NTN1: variants seen among roughly 807,000 people sequenced by gnomAD.
NTN1 encodes the protein netrin 1.
Under a neutral mutation model 54.2 loss-of-function variants are expected in NTN1, and 11 were observed. The observed-to-expected ratio is 0.20, with a 90% CI of 0.13 to 0.34. The LOEUF is 0.34. Ranked by LOEUF, NTN1 falls within the 10% of genes least tolerant of loss-of-function variation. The pLI is 1.00. For synonymous variants in NTN1, 371 were observed against 382.0 expected (o/e 0.97, Z 0.33); for missense variants, 740 against 893.1 (o/e 0.83, Z 2.18).
chr17:9,164,551 CCTT>C (rs2092368581), intron 3 of NTN1, among the ~76,000 whole-genome samples: 1 of 150,986 alleles, frequency 6.6e-6, no homozygotes, highest in African/African-American at 2.5e-5. Context: ...AAGCTGGTGC[CCTT>C]CTGAGCACGG....
intron 6 of NTN1, among the ~76,000 whole-genome samples, chr17:9,231,297 G>C (rs1485123236): frequency 1.3e-5 from 2 of 149,286 alleles, no homozygotes; most frequent in Non-Finnish European, 2.9e-5. Context: ...GGGGTACCCG[G>C]GGGGGGACCC....
rs181240629 is a variant in NTN1, at chr17:9,234,908, T to G, written c.1487-4732T>G. ...CTGGCTTAAGGCAGTGACCTCTTCC[T>G]GTATACCAGCAGTCCCTAATTTGTT... On this transcript the variant is annotated intron_variant, in intron 6 of 6. Coordinates refer to ENST00000173229, the MANE Select transcript of NTN1 (RefSeq NM_004822.3). Among the ~76,000 whole-genome samples the G allele has an allele frequency of 1.9e-3, 295 of 152,290 alleles. 5 individuals carry two copies. The highest frequency in any genetic ancestry group is 6.4e-3 in the African/African-American group (264 of 41,568).
At chr17:9,097,236 T>A (rs2092134800) in intron 2 of NTN1, among the ~76,000 whole-genome samples, 1 of 152,240 alleles carries the variant, frequency 6.6e-6, no homozygotes, top group Non-Finnish European at 1.5e-5. Context: ...AAGATGTGTT[T>A]CCCTCCTATG....
intron 5 of NTN1, among the ~76,000 whole-genome samples, chr17:9,218,768 T>G (rs1015956790): frequency 2.0e-5 from 3 of 152,144 alleles, no homozygotes; most frequent in African/African-American, 7.2e-5. Context: ...AGAGCTGACA[T>G]GCTCAAAGGC....
intron 2 of NTN1, among the ~76,000 whole-genome samples, chr17:9,158,553 C>T (rs987577327): frequency 1.5e-4 from 23 of 152,316 alleles, no homozygotes; most frequent in African/African-American, 5.5e-4. Flanking sequence ...TCTAGGCCAG[C>T]TGTTACTTCC....
At chr17:9,043,543 T>C (rs2091929896) in intron 2 of NTN1, among the ~76,000 whole-genome samples, 1 of 152,030 alleles carries the variant, frequency 6.6e-6, no homozygotes, top group Admixed American at 6.6e-5. Flanking sequence ...TAAATGCTTT[T>C]TTATCATCTT....
chr17:9,184,023 CTT>C (rs998236788), intron 5 of NTN1, among the ~76,000 whole-genome samples: 4 of 152,192 alleles, frequency 2.6e-5, no homozygotes, highest in African/African-American at 7.2e-5. Flanking sequence ...GCTGGGGACT[CTT>C]TGCCTCCCCC....
Position 9,243,851 on chromosome 17 carries a change from G to A in NTN1, c.*3883G>A, listed in dbSNP as rs960128438. On this transcript the variant is annotated 3_prime_UTR_variant, in exon 7 of 7. Coordinates refer to ENST00000173229, the MANE Select transcript of NTN1 (RefSeq NM_004822.3). ...TATATATGAATATATTTAATGACAT[G>A]GAAAAAGTTGTGGATTTTCTTTCTT... 1.8e-4 allele frequency: 26 copies of A among 143,810 alleles called. No individual in the cohort carries two copies. The highest frequency in any genetic ancestry group is 6.4e-4 in the African/African-American group (25 of 39,262). The allele number at this position is 143,810 out of a possible 1,614,324, so 8.9% of individuals were successfully genotyped here. A position where few individuals can be genotyped will look rare whatever the true frequency, so the allele number is the denominator to read the frequency against.
In NTN1 at chr17:9,042,415, T is replaced by C. The variant is rs549203190; in HGVS notation, c.1018+19024T>C. ...AGGAAGATTGCACGAGCGAGGGGTTTGAGGCTATAATGCGCTATGACTGCA... is the reference window on the plus strand; with the variant it reads ...AGGAAGATTGCACGAGCGAGGGGTTCGAGGCTATAATGCGCTATGACTGCA... On this transcript the variant is annotated intron_variant, in intron 2 of 6. Coordinates refer to ENST00000173229, the MANE Select transcript of NTN1 (RefSeq NM_004822.3). 6.6e-5 allele frequency among the ~76,000 whole-genome samples: 10 copies of C among 151,890 alleles called. 1 individual carries two copies. The highest frequency in any genetic ancestry group is 2.4e-4 in the African/African-American group (10 of 41,428).
At chr17:9,229,060 G>T (rs915723789) in intron 6 of NTN1, among the ~76,000 whole-genome samples, 1 of 149,712 alleles carries the variant, frequency 6.7e-6, no homozygotes, top group African/African-American at 2.5e-5. Flanking sequence ...GTGACTATGC[G>T]TGTGTGATTG....
chr17:9,032,059 G>A (rs983306585), intron 2 of NTN1, among the ~76,000 whole-genome samples: 3 of 152,092 alleles, frequency 2.0e-5, no homozygotes, highest in African/African-American at 7.2e-5. Flanking sequence ...GGCTGTGCAC[G>A]TGAGAAGGTG....
chr17:9,154,857 C>T lies in NTN1; in HGVS notation c.1019-7956C>T, dbSNP rs118114511. Among the ~76,000 whole-genome samples, 457 of 152,266 alleles carry T rather than the reference C, an allele frequency of 3.0e-3. 2 individuals carry two copies. The highest frequency in any genetic ancestry group is 5.6e-3 in the Non-Finnish European group (379 of 68,024). On this transcript the variant is annotated intron_variant, in intron 2 of 6. Coordinates refer to ENST00000173229, the MANE Select transcript of NTN1 (RefSeq NM_004822.3). Reference sequence around the variant, plus strand: ...TTGAAACCAGGCATCTGCCCACTGCCCCATCACAGGCCCCTGCGGTTGAAC... The same window carrying T: ...TTGAAACCAGGCATCTGCCCACTGCTCCATCACAGGCCCCTGCGGTTGAAC...
At chr17:9,132,915 A>C (rs2092270168) in intron 2 of NTN1, among the ~76,000 whole-genome samples, 1 of 152,012 alleles carries the variant, frequency 6.6e-6, no homozygotes, top group Admixed American at 6.6e-5. Context: ...GATAATACCA[A>C]ATTCCCTTTA....
chr17:9,141,835 G>T (rs1360225547), intron 2 of NTN1, among the ~76,000 whole-genome samples: 1 of 152,166 alleles, frequency 6.6e-6, no homozygotes, highest in Non-Finnish European at 1.5e-5. Flanking sequence ...GCTGAGGCGG[G>T]TGGATCACTT....
chr17:9,239,976 GCAGCGGGC>G lies in NTN1; in HGVS notation c.*9_*16del, dbSNP rs1447602397. The G allele has an allele frequency of 4.2e-6, 5 of 1,185,054 alleles. No homozygotes were observed. The highest frequency in any genetic ancestry group is 1.6e-5 in the African/African-American group (1 of 61,870). 73.4% of individuals were successfully genotyped at this position (1,185,054 alleles called of 1,614,324 possible). A position where few individuals can be genotyped will look rare whatever the true frequency, so the allele number is the denominator to read the frequency against. On this transcript the variant is annotated 3_prime_UTR_variant, in exon 7 of 7. Transcript: ENST00000173229. This position sits in a 1 kb window ranked among gnomAD's most constrained non-coding sequence, Gnocchi z 5.2. ...AAGTGCAAGAAGGCCTAGCGCCGAG[GCAGCGGGC>G]GGGCGGGCGGGCGGGCGCCAGGGCG...
chr17:9,010,520 C>T, the NTN1 span, among the ~76,000 whole-genome samples: 7 of 152,286 alleles, frequency 4.6e-5, 1 homozygote, highest in Non-Finnish European at 2.9e-5. Flanking sequence ...TTAAGACCAG[C>T]GTGTTAGTGG....
At chr17:9,202,918 TTTTTTTA>T (rs1359749556) in intron 5 of NTN1, among the ~76,000 whole-genome samples, 1 of 152,058 alleles carries the variant, frequency 6.6e-6, no homozygotes, top group African/African-American at 2.4e-5. Flanking sequence ...TTTTTTCTTA[TTTTTTTA>T]TTTTTTATTT....
chr17:9,046,278 A>G (rs1481885798), intron 2 of NTN1, among the ~76,000 whole-genome samples: 2 of 152,222 alleles, frequency 1.3e-5, no homozygotes, highest in African/African-American at 4.8e-5. Flanking sequence ...ATGGCCAGTA[A>G]GCACATTAAA....
At chr17:9,188,566 T>C (rs748742615) in intron 5 of NTN1, among the ~76,000 whole-genome samples, 2 of 151,308 alleles carry the variant, frequency 1.3e-5, no homozygotes, top group Non-Finnish European at 2.9e-5. Context: ...GTGAGTGTCC[T>C]GGAGACAAGG....
Sources: gnomAD v4.1 joint callset for allele counts (sites outside exome capture counted in the v4.1 genomes callset) on GRCh38, gnomAD v4.1.1 for gene constraint, Gnocchi (gnomAD v3.1) non-coding constraint, MANE v1.5 for transcripts, NCBI Gene and HGNC (gene_info 2026-07-23, HGNC 2026-07-21) for gene names.